Variants in CCK observed in about 807,000 individuals in gnomAD.
CCK encodes cholecystokinin triacontatriapeptide.
Under a neutral mutation model 10.1 loss-of-function variants are expected in CCK, and 11 were observed. That is an observed-to-expected ratio of 1.09 (90% confidence interval 0.69 to 1.81). CCK has a LOEUF of 1.81. Among genes scored for constraint, CCK ranks in the 40% most tolerant of loss-of-function variants. The pLI, the probability that CCK is intolerant of heterozygous loss-of-function variation, is 0.00. For missense variants in CCK, 137 were observed against 159.9 expected (o/e 0.86, Z 0.77); for synonymous variants, 83 against 71.9 (o/e 1.15, Z -0.78).
In CCK at chr3:42,263,648, G is replaced by C. The variant is rs768111174; in HGVS notation, c.-2-16C>G. The C allele has an allele frequency of 6.6e-7, 1 of 1,517,304 alleles. No individual in the cohort carries two copies. The highest frequency in any genetic ancestry group is 2.1e-4 in the Middle Eastern group (1 of 4,730). The allele number at this position is 1,517,304 out of a possible 1,614,324, so 94.0% of individuals were successfully genotyped here. On this transcript the variant is annotated splice_polypyrimidine_tract_variant and intron_variant, in intron 3 of 4. Coordinates refer to ENST00000396169, the MANE Select transcript of CCK (RefSeq NM_000729.6). The stretch of plus-strand genomic sequence containing the variant: ...CTGTTCATGGCTGTAGCGAGCAAAG[G>C]AGGAGGGCGCGTTAACTGAAAGGCT...
chr3:42,260,712 ACTGT>A (rs1252555256), intron 4 of CCK, among the ~76,000 whole-genome samples: 1 of 152,222 alleles, frequency 6.6e-6, no homozygotes, highest in African/African-American at 2.4e-5. Flanking sequence ...TAGCCTCGGG[ACTGT>A]CTGCATGTCA....
chr3:42,260,551 G>C (rs931298945), intron 4 of CCK, among the ~76,000 whole-genome samples: 1 of 152,082 alleles, frequency 6.6e-6, no homozygotes, highest in Admixed American at 6.6e-5. Context: ...GTATTTACCA[G>C]GGTCCTCACT....
At position 42,257,946 on chromosome 3, in the gene CCK, TACAG is replaced by T. The variant is rs1711157725; in HGVS notation, c.*148_*151del. ...GGTGTGTGGTTGCACTGGACAATCT[TACAG>T]ACACATTTTTCACATTGAGAACTTA... On this transcript the variant is annotated 3_prime_UTR_variant, in exon 5 of 5. Transcript: ENST00000396169. 2.5e-6 allele frequency: 2 copies of T among 804,450 alleles called. No individual in the cohort carries two copies. The highest frequency in any genetic ancestry group is 3.8e-6 in the Non-Finnish European group (2 of 521,392). 49.8% of individuals were successfully genotyped at this position (804,450 alleles called of 1,614,324 possible).
Position 42,257,836 on chromosome 3 carries a change from T to A in CCK, c.*262A>T, listed in dbSNP as rs754503440. On this transcript the variant is annotated 3_prime_UTR_variant, in exon 5 of 5. Transcript: ENST00000396169. ...CAGGGAACGACAGGGCAGAATGAAA[T>A]CACTTTAATAGCATAACAACATTTT... 5.2e-6 allele frequency: 2 copies of A among 386,146 alleles called. No homozygotes were observed. Among genetic ancestry groups the A allele is most frequent in the African/African-American group, 4.1e-5 (2 of 48,730 alleles). The allele number at this position is 386,146 out of a possible 1,614,324, so 23.9% of individuals were successfully genotyped here. A position where few individuals can be genotyped will look rare whatever the true frequency, so the allele number is the denominator to read the frequency against.
rs1299564346 is a variant in CCK, at chr3:42,258,179, G to T, written c.267C>A (p.Ser89Arg). The change falls in exon 5 of 5, where the codon AGC (serine) becomes AGA (arginine). Residue 89 changes from serine (S) to arginine (R), a missense_variant. Ser to Arg is a moderately radical substitution (Grantham distance 110). Coordinates refer to ENST00000396169, the MANE Select transcript of CCK (RefSeq NM_000729.6). ...TGTAGTCCCGGTCACTTATCCTGTGGCTGGGGTCCAGGTTCTGCAGGTTCT... is the reference window on the plus strand; with the variant it reads ...TGTAGTCCCGGTCACTTATCCTGTGTCTGGGGTCCAGGTTCTGCAGGTTCT... ...IVKNLQNLDPSHRISDRDYMG... is the reference protein window; with the variant it reads ...IVKNLQNLDPRHRISDRDYMG... 1 of 1,614,074 alleles carries T rather than the reference G, an allele frequency of 6.2e-7. No individual in the cohort carries two copies. Among genetic ancestry groups the T allele is most frequent in the Non-Finnish European group, 8.5e-7 (1 of 1,179,932 alleles).
In CCK at chr3:42,260,509, G is replaced by A. The variant is rs535813761; in HGVS notation, c.215-2278C>T. Among the ~76,000 whole-genome samples the A allele has an allele frequency of 5.3e-5, 8 of 152,294 alleles. No homozygotes were observed. The South Asian group carries it at 1.2e-3, about 24-fold the overall frequency. ...ATTTATCACACACCCTGACTTCCCC[G>A]TTCCACGTACAGTTCTGTCCTCATG... On this transcript the variant is annotated intron_variant, in intron 4 of 4. Coordinates refer to ENST00000396169, the MANE Select transcript of CCK (RefSeq NM_000729.6).
rs778151078 is a variant in CCK at position 42,258,220 on chromosome 3, G to A, written c.226C>T (p.Arg76Ter). 27 of 1,613,698 alleles carry A rather than the reference G, an allele frequency of 1.7e-5. No homozygotes were observed. The highest frequency in any genetic ancestry group is 5.3e-5 in the African/African-American group (4 of 74,876). ...IQQARKAPSG[R>*]MSIVKNLQNL... ...TGCAGGTTCTTAACGATGGACATTCGTCCAGAAGGAGCTACAAGGAGCAGG... is the reference window on the plus strand; with the variant it reads ...TGCAGGTTCTTAACGATGGACATTCATCCAGAAGGAGCTACAAGGAGCAGG... The change falls in exon 5 of 5, where the codon CGA (arginine) becomes TGA (stop). Residue 76 changes from arginine (R) to a stop codon, truncating the protein, a stop_gained. Transcript: ENST00000396169. LOFTEE classifies it high-confidence loss of function.
chr3:42,259,144 T>C (rs1050748720), intron 4 of CCK, among the ~76,000 whole-genome samples: 2 of 151,826 alleles, frequency 1.3e-5, no homozygotes, highest in Non-Finnish European at 2.9e-5. Flanking sequence ...TAAGTGGAAG[T>C]TGAACAATGA....
chr3:42,263,340 A>G, intron 4 of CCK, 77 bp downstream of exon 4: 1 of 1,601,276 alleles, frequency 6.2e-7, no homozygotes, highest in Non-Finnish European at 8.6e-7. Flanking sequence ...CCATCAGGCT[A>G]GCGCTAGAGA....
chr3:42,265,529 C>T (rs1188912476), intron 1 of CCK, 92 bp from the exon 2 acceptor site: 1 of 152,220 alleles, frequency 6.6e-6, no homozygotes, highest in Non-Finnish European at 1.5e-5. Context: ...GTTACCACCA[C>T]CCGCGGCGCC....
At chr3:42,265,628 A>T (rs762085646) in intron 1 of CCK, 56 bp downstream of exon 1, 4 of 152,404 alleles carry the variant, frequency 2.6e-5, no homozygotes, top group Non-Finnish European at 4.4e-5. Flanking sequence ...AGACCACGGC[A>T]TCCGCCCCTC....
Position 42,265,057 on chromosome 3 carries a change from G to C in CCK, c.-213-150C>G, listed in dbSNP as rs556799768. 3.3e-5 allele frequency: 5 copies of C among 152,216 alleles called. No individual in the cohort carries two copies. In the East Asian group the frequency reaches 9.7e-4, roughly 29 times the overall value. 9.4% of individuals were successfully genotyped at this position (152,216 alleles called of 1,614,324 possible). ...CGCATTCCAGAGCAGTACTCTCCAA[G>C]GTGGGAAACCTAGGAGTTTGGAGTC... On this transcript the variant is annotated intron_variant, in intron 2 of 4. Coordinates refer to ENST00000396169, the MANE Select transcript of CCK (RefSeq NM_000729.6).
intron 4 of CCK, chr3:42,263,139 A>G (rs1486355514): frequency 1.8e-6 from 1 of 548,030 alleles, no homozygotes; most frequent in East Asian, 3.3e-5. Flanking sequence ...CTAGGCTTCA[A>G]TAATTATCTT....
At chr3:42,261,789 G>A (rs1711218124) in intron 4 of CCK, among the ~76,000 whole-genome samples, 1 of 152,066 alleles carries the variant, frequency 6.6e-6, no homozygotes, top group African/African-American at 2.4e-5. Context: ...TTTCAGACTG[G>A]TCTGGCTGAA....
At chr3:42,259,021 C>G (rs1438548259) in intron 4 of CCK, among the ~76,000 whole-genome samples, 1 of 152,098 alleles carries the variant, frequency 6.6e-6, no homozygotes, top group East Asian at 1.9e-4. Flanking sequence ...TACTATGCAG[C>G]CATAAAAAGG....
intron 4 of CCK, among the ~76,000 whole-genome samples, chr3:42,262,765 T>C (rs562477394): frequency 3.3e-5 from 5 of 150,710 alleles, no homozygotes; most frequent in African/African-American, 9.7e-5. Flanking sequence ...GCTAGTGAGC[T>C]GCTGAATCAC....
At position 42,260,936 on chromosome 3, in the gene CCK, G is replaced by A. The variant is rs768432573; in HGVS notation, c.214+2481C>T. ...GATAGAGTCTCAGCCCTGCTGTTGC[G>A]TAGATATGCAACTGCATGTAGGTTA... On this transcript the variant is annotated intron_variant, in intron 4 of 4. Coordinates refer to ENST00000396169, the MANE Select transcript of CCK (RefSeq NM_000729.6). 3.3e-5 allele frequency among the ~76,000 whole-genome samples: 5 copies of A among 152,296 alleles called. No homozygotes were observed. The South Asian group carries it at 6.2e-4, about 19-fold the overall frequency.
chr3:42,262,217 CT>C (rs11298401), intron 4 of CCK, among the ~76,000 whole-genome samples: 54,010 of 100,346 alleles, frequency 0.54, 13,562 homozygotes, highest in Middle Eastern at 0.65. Context: ...TTGCTAAGTT[CT>C]TTTTTTTTTT....
chr3:42,263,299 G>A lies in CCK; in HGVS notation c.214+118C>T, dbSNP rs568959598. On this transcript the variant is annotated intron_variant, in intron 4 of 4. Transcript: ENST00000396169. ...GCTACAAAGGACCGCCAGAAATCAT[G>A]TTGCTTGTTTCCTACCGAGAGAGGT... 14 of 1,493,218 alleles carry A rather than the reference G, an allele frequency of 9.4e-6. No individual in the cohort carries two copies. In the East Asian group the frequency reaches 1.6e-4, roughly 17 times the overall value. 92.5% of individuals were successfully genotyped at this position (1,493,218 alleles called of 1,614,324 possible).
Sources: gnomAD v4.1 joint callset for allele counts (sites outside exome capture counted in the v4.1 genomes callset) on GRCh38, gnomAD v4.1.1 for gene constraint, MANE v1.5 for transcripts, NCBI Gene and HGNC (gene_info 2026-07-23, HGNC 2026-07-21) for gene names.